Variants in CFAP36 observed in about 807,000 individuals in gnomAD.
The protein encoded by CFAP36 is cilia and flagella associated protein 36.
A neutral mutation model predicts 50.5 loss-of-function variants in CFAP36; 37 were observed. The observed-to-expected ratio is 0.73, with a 90% CI of 0.56 to 0.96. The LOEUF is 0.96. Among genes scored for constraint, CFAP36 ranks in the 50% least tolerant of loss-of-function variants. The pLI, the probability that CFAP36 is intolerant of heterozygous loss-of-function variation, is 0.00. For synonymous variants in CFAP36, 138 were observed against 128.2 expected, an observed-to-expected ratio of 1.08 and a Z score of -0.52; for missense variants, 407 against 396.2, an observed-to-expected ratio of 1.03 and a Z score of -0.23.
In CFAP36 at chr2:55,519,770, AG is replaced by A. The variant is rs1361175929; in HGVS notation, c.-29del. 4.3e-6 allele frequency: 7 copies of A among 1,610,946 alleles called. No individual in the cohort carries two copies. The African/African-American group carries it at 9.4e-5, about 22-fold the overall frequency. On this transcript the variant is annotated 5_prime_UTR_variant, in exon 1 of 10. Transcript: ENST00000349456. ...TAACCGGGGTCCGGCGGTCTGGCCT[AG>A]GGATCTTCCCCGTTGCCCCTTTGGG...
rs754242168 is a variant in CFAP36, at chr2:55,544,299, T to A, written c.857T>A (p.Met286Lys). 20 of 1,613,484 alleles carry A rather than the reference T, an allele frequency of 1.2e-5. No homozygotes were observed. The highest frequency in any genetic ancestry group is 3.3e-5 in the Admixed American group (2 of 59,964). The change falls in exon 9 of 10, where the codon ATG (methionine) becomes AAG (lysine). Residue 286 changes from methionine to lysine, a missense_variant. Met to Lys is a moderately conservative substitution (Grantham distance 95). Transcript: ENST00000349456. ...LKQKRDKLMS[M>K]RKDMRTKQIQ... ...CAGAAGAGAGATAAGTTGATGTCCA[T>A]GAGAAAGGATATGAGGACTAAACAG...
At chr2:55,539,815 G>C (rs1376797724) in intron 7 of CFAP36, among the ~76,000 whole-genome samples, 1 of 152,172 alleles carries the variant, frequency 6.6e-6, no homozygotes, top group Non-Finnish European at 1.5e-5. Context: ...TATTCTAGTA[G>C]GTGTGTAGTG....
chr2:55,525,218 AAGAC>A (rs1486950350), intron 3 of CFAP36, among the ~76,000 whole-genome samples: 2 of 152,092 alleles, frequency 1.3e-5, no homozygotes, highest in Non-Finnish European at 2.9e-5. Context: ...TTGGGAGACC[AAGAC>A]AGGAGGATTG....
intron 4 of CFAP36, 97 bp downstream of exon 4, chr2:55,529,089 A>C (rs1684285646): frequency 2.4e-6 from 2 of 831,758 alleles, no homozygotes; most frequent in Admixed American, 3.0e-5. Flanking sequence ...TCTCATGTAC[A>C]TTTATTTCAA....
chr2:55,532,686 A>T (rs1004453351), intron 4 of CFAP36, among the ~76,000 whole-genome samples: 2 of 152,236 alleles, frequency 1.3e-5, no homozygotes, highest in African/African-American at 4.8e-5. Flanking sequence ...TCAAAATAAA[A>T]CATTTAATTT....
chr2:55,538,442 G>A (rs1290772884), intron 7 of CFAP36, among the ~76,000 whole-genome samples: 1 of 151,550 alleles, frequency 6.6e-6, no homozygotes, highest in East Asian at 1.9e-4. Context: ...TTACAGGCAG[G>A]CACCACCACG....
chr2:55,524,170 C>A (rs1684142161), intron 3 of CFAP36, among the ~76,000 whole-genome samples: 2 of 152,210 alleles, frequency 1.3e-5, no homozygotes. Flanking sequence ...CCTGCTGCTG[C>A]TTCCTTCTCT....
chr2:55,535,881 G>A (rs1684470086), intron 6 of CFAP36, 118 bp downstream of exon 6: 2 of 1,415,114 alleles, frequency 1.4e-6, no homozygotes, highest in Non-Finnish European at 1.9e-6. Context: ...TAAGTACAAT[G>A]TAAATATTGA....
intron 6 of CFAP36, among the ~76,000 whole-genome samples, chr2:55,537,102 C>T (rs1025884792): frequency 6.6e-6 from 1 of 152,138 alleles, no homozygotes; most frequent in Non-Finnish European, 1.5e-5. Context: ...AGAGGCCAGA[C>T]GTGGTGGCTC....
In CFAP36 at chr2:55,519,834, G is replaced by A. The variant is rs762692170; in HGVS notation, c.33G>A (p.Trp11Ter). ...CGGAAGAAGAAGACGAGGTGGAGTG[G>A]GTAGTGGAGAGCATCGCGGGGTTCC... The part of the protein sequence containing the change: MAAEEEDEVE[W>*]VVESIAGFLR... The change falls in exon 1 of 10, where the codon TGG (tryptophan) becomes TGA (stop). Residue 11 changes from tryptophan to a stop codon, truncating the protein, a stop_gained. Transcript: ENST00000349456. LOFTEE classifies it high-confidence loss of function. 2 of 1,614,136 alleles carry A rather than the reference G, an allele frequency of 1.2e-6. No homozygotes were observed. Among genetic ancestry groups the A allele is most frequent in the African/African-American group, 1.3e-5 (1 of 74,952 alleles).
chr2:55,530,048 G>C (rs771670969), intron 4 of CFAP36, among the ~76,000 whole-genome samples: 1 of 152,260 alleles, frequency 6.6e-6, no homozygotes, highest in South Asian at 2.1e-4. Flanking sequence ...ACAATGATAT[G>C]GTTTGGCTGT....
chr2:55,533,439 C>T (rs943986887), intron 4 of CFAP36, among the ~76,000 whole-genome samples: 1 of 151,954 alleles, frequency 6.6e-6, no homozygotes, highest in African/African-American at 2.4e-5. Context: ...AATGGTGGCT[C>T]ACGTCTGTAA....
At chr2:55,537,066 A>T (rs1046502702) in intron 6 of CFAP36, among the ~76,000 whole-genome samples, 1 of 152,130 alleles carries the variant, frequency 6.6e-6, no homozygotes, top group African/African-American at 2.4e-5. Flanking sequence ...TTCTTATAAG[A>T]GTGTATACTT....
rs142608316 is a variant in CFAP36 at position 55,529,715 on chromosome 2, C to T, written c.397+723C>T. Among the ~76,000 whole-genome samples, 23 of 144,554 alleles carry T rather than the reference C, an allele frequency of 1.6e-4. No individual in the cohort carries two copies. The East Asian group carries it at 2.7e-3, about 17-fold the overall frequency. 94.8% of individuals were successfully genotyped at this position (144,554 alleles called of 152,430 possible). On this transcript the variant is annotated intron_variant, in intron 4 of 9. Transcript: ENST00000349456. Reference sequence around the variant, plus strand: ...AGGCTGGAGTGCAGTGGCATGATCTCGGCTTACTGCATGCTCTGCCTTGCG... The same window carrying T: ...AGGCTGGAGTGCAGTGGCATGATCTTGGCTTACTGCATGCTCTGCCTTGCG...
rs769718935 is a variant in CFAP36 at position 55,537,532 on chromosome 2, C to A, written c.587C>A (p.Ala196Glu). The change falls in exon 7 of 10, where the codon GCA becomes GAA. Residue 196 changes from alanine (A) to glutamate (E), a missense_variant. Physicochemically the swap from Ala to Glu is moderately radical, Grantham distance 107. Transcript: ENST00000349456. Reference protein sequence around the residue: ...EEPTVHSSEAAIMNNSQGDGE... With the variant: ...EEPTVHSSEAEIMNNSQGDGE... ...CCCACAGTGCATTCCAGTGAAGCTG[C>A]AATAATGAATAATTCCCAAGGGGAT... 6 of 1,613,582 alleles carry A rather than the reference C, an allele frequency of 3.7e-6. No homozygotes were observed. Among genetic ancestry groups the A allele is most frequent in the Admixed American group, 1.7e-5 (1 of 59,942 alleles).
intron 3 of CFAP36, among the ~76,000 whole-genome samples, chr2:55,525,841 A>C (rs1376736433): frequency 6.6e-6 from 1 of 152,188 alleles, no homozygotes; most frequent in Non-Finnish European, 1.5e-5. Flanking sequence ...TATGTTGGCC[A>C]AGCTGGAACA....
chr2:55,528,831 A>G (rs1684277694), intron 3 of CFAP36, 47 bp from the exon 4 acceptor site: 2 of 1,146,188 alleles, frequency 1.7e-6, no homozygotes, highest in Non-Finnish European at 2.6e-6. Context: ...TATGGGTAAT[A>G]GTTTTAAAAC....
At chr2:55,538,963 A>G (rs887034365) in intron 7 of CFAP36, 34 of 1,393,290 alleles carry the variant, frequency 2.4e-5, no homozygotes, top group Non-Finnish European at 3.0e-5. Context: ...AATATGCCTA[A>G]TTTAAGCTGT....
chr2:55,528,504 C>T (rs903508361), intron 3 of CFAP36, among the ~76,000 whole-genome samples: 12 of 152,124 alleles, frequency 7.9e-5, no homozygotes, highest in South Asian at 4.2e-4. Flanking sequence ...AATGATTCTC[C>T]GGTCTCAGCC....
Sources: allele counts gnomAD v4.1 joint callset (sites outside exome capture counted in the v4.1 genomes callset), GRCh38; gene constraint gnomAD v4.1.1; transcripts MANE v1.5; gene names NCBI Gene and HGNC (gene_info 2026-07-23, HGNC 2026-07-21).